CIBAR2: variants seen among roughly 807,000 people sequenced by gnomAD.
CIBAR2 encodes the protein CBY1-interacting BAR domain-containing protein 2.
Under a neutral mutation model 36.2 loss-of-function variants are expected in CIBAR2, and 38 were observed. That is an observed-to-expected ratio of 1.05 (90% confidence interval 0.81 to 1.38). The LOEUF is 1.38. Ranked by LOEUF, CIBAR2 falls within the 40% of genes most tolerant of loss-of-function variation. The pLI, the probability that CIBAR2 is intolerant of heterozygous loss-of-function variation, is 0.00. For missense variants in CIBAR2, 481 were observed against 383.4 expected (o/e 1.25, Z -2.13); for synonymous variants, 182 against 149.5 (o/e 1.22, Z -1.58).
At chr16:85,104,051 A>C (rs16975245) in intron 6 of CIBAR2, among the ~76,000 whole-genome samples, 4,402 of 152,364 alleles carry the variant, frequency 0.029, 221 homozygotes, top group African/African-American at 0.1. Flanking sequence ...TTGTTAAAGT[A>C]ACACGTGAAT....
At position 85,104,714 on chromosome 16, in the gene CIBAR2, T is replaced by TA. The variant is rs1355025744; in HGVS notation, c.537+612dup. On this transcript the variant is annotated intron_variant, in intron 6 of 8. Coordinates refer to ENST00000539556, the MANE Select transcript of CIBAR2 (RefSeq NM_198491.3). Reference sequence around the variant, plus strand: ...CTGGGCAACCAAGTGAGACTCCATCTAAAAAAAATAAAATAAAATAAAATC... The same window carrying TA: ...CTGGGCAACCAAGTGAGACTCCATCTAAAAAAAAATAAAATAAAATAAAATC... Among the ~76,000 whole-genome samples, 6 of 151,832 alleles carry TA rather than the reference T, an allele frequency of 4.0e-5. No individual in the cohort carries two copies. The South Asian group carries it at 1.2e-3, about 32-fold the overall frequency.
chr16:85,099,095 C>G lies in CIBAR2; in HGVS notation c.*90G>C. ...TTGAATTAACACAATCCAACAAAGA[C>G]AAAGAAAAAAGAATCAGAAAATAAG... On this transcript the variant is annotated 3_prime_UTR_variant, in exon 9 of 9. Transcript: ENST00000539556. The G allele has an allele frequency of 7.1e-7, 1 of 1,407,316 alleles. No homozygotes were observed. The highest frequency in any genetic ancestry group is 9.3e-7 in the Non-Finnish European group (1 of 1,070,008). The allele number at this position is 1,407,316 out of a possible 1,614,324, so 87.2% of individuals were successfully genotyped here.
Position 85,110,241 on chromosome 16 carries a change from A to T in CIBAR2, c.240T>A (p.Asp80Glu). Residue 80 changes from aspartate to glutamate, a missense_variant, in exon 2 of 9, where the codon GAT (aspartate) becomes GAA (glutamate). By Grantham distance (45) the Asp-to-Glu change is conservative. Transcript: ENST00000539556. ...CAGCACTCACCTGGGCCTGCCGGTA[A>T]TCCTGCACTTTGGCCAGGTCCTCAG... ...GFAEDLAKVQ[D>E]YRQAQVERLE... 6.4e-7 allele frequency: 1 copy of T among 1,574,518 alleles called. No homozygotes were observed. Among genetic ancestry groups the T allele is most frequent in the East Asian group, 2.3e-5 (1 of 44,216 alleles).
intron 6 of CIBAR2, among the ~76,000 whole-genome samples, chr16:85,103,932 T>C (rs1300569892): frequency 6.6e-6 from 1 of 152,158 alleles, no homozygotes; most frequent in Admixed American, 6.5e-5. Context: ...GTCCATCTCC[T>C]CCCGCCCCAA....
chr16:85,104,240 C>A (rs575363420), intron 6 of CIBAR2, among the ~76,000 whole-genome samples: 2 of 152,302 alleles, frequency 1.3e-5, no homozygotes, highest in East Asian at 3.9e-4. Flanking sequence ...CTGCAAAGGC[C>A]TCGGGTAGGA....
intron 2 of CIBAR2, 96 bp downstream of exon 2, chr16:85,110,130 G>A: frequency 1.1e-6 from 1 of 899,008 alleles, no homozygotes; most frequent in Non-Finnish European, 1.7e-6. Flanking sequence ...CCCATTGGCT[G>A]TGGCCACAGC....
At chr16:85,105,572 A>T in intron 5 of CIBAR2, 141 bp from the exon 6 acceptor site, 1 of 621,726 alleles carries the variant, frequency 1.6e-6, no homozygotes, top group South Asian at 1.9e-5. Context: ...TAATTGGGTC[A>T]TCAAAGGAAT....
chr16:85,109,240 A>G (rs13335000), intron 2 of CIBAR2, among the ~76,000 whole-genome samples: 22,677 of 151,860 alleles, frequency 0.15, 1,729 homozygotes, highest in Middle Eastern at 0.18. Flanking sequence ...GCGAAACCCC[A>G]TCTCTTAAAA....
At position 85,098,592 on chromosome 16, in the gene CIBAR2, C is replaced by T; in HGVS notation, c.*593G>A. On this transcript the variant is annotated 3_prime_UTR_variant, in exon 9 of 9. Coordinates refer to ENST00000539556, the MANE Select transcript of CIBAR2 (RefSeq NM_198491.3). ...TCTTATGGGGTCCCTGCCCCAGTGC[C>T]CTGAGGTCCTCCACGGGGGCCTCCT... The T allele has an allele frequency of 1.0e-6, 1 of 986,060 alleles. No homozygotes were observed. Among genetic ancestry groups the T allele is most frequent in the Non-Finnish European group, 1.2e-6 (1 of 830,074 alleles). 61.1% of individuals were successfully genotyped at this position (986,060 alleles called of 1,614,324 possible). A position where few individuals can be genotyped will look rare whatever the true frequency, so the allele number is the denominator to read the frequency against.
At chr16:85,108,676 C>T (rs2144173911) in intron 2 of CIBAR2, among the ~76,000 whole-genome samples, 1 of 152,236 alleles carries the variant, frequency 6.6e-6, no homozygotes, top group Non-Finnish European at 1.5e-5. Flanking sequence ...AGTTCAAGAC[C>T]AGCCTGGCCA....
chr16:85,102,622 G>C (rs1043573067), intron 6 of CIBAR2, among the ~76,000 whole-genome samples: 1 of 151,978 alleles, frequency 6.6e-6, no homozygotes, highest in Non-Finnish European at 1.5e-5. Context: ...GACCAGCCTG[G>C]GCAACATGGT....
In CIBAR2 at chr16:85,112,437, G is replaced by T; in HGVS notation, c.-85C>A. On this transcript the variant is annotated 5_prime_UTR_variant, in exon 1 of 9. Transcript: ENST00000539556. ...TGCAGGCCTGGGAGGAGCCGGGCAG[G>T]GCTGGGTGCAGCTGTGTGGCCTGGG... 2 of 1,387,888 alleles carry T rather than the reference G, an allele frequency of 1.4e-6. No homozygotes were observed. The highest frequency in any genetic ancestry group is 1.2e-5 in the South Asian group (1 of 86,088). 86.0% of individuals were successfully genotyped at this position (1,387,888 alleles called of 1,614,324 possible).
intron 6 of CIBAR2, among the ~76,000 whole-genome samples, chr16:85,104,209 G>C (rs2073977369): frequency 6.6e-6 from 1 of 152,240 alleles, no homozygotes; most frequent in African/African-American, 2.4e-5. Flanking sequence ...GCACCGACTG[G>C]ACGCAGATCA....
intron 1 of CIBAR2, 147 bp downstream of exon 1, chr16:85,112,186 T>G: frequency 1.4e-6 from 1 of 704,558 alleles, no homozygotes; most frequent in Non-Finnish European, 2.5e-6. Flanking sequence ...TGGATGGAGG[T>G]GGAGGCACCG....
Position 85,099,078 on chromosome 16 carries a change from A to C in CIBAR2, c.*107T>G. Reference sequence around the variant, plus strand: ...GCTTGAAGACAAGGTCTTTGAATTAACACAATCCAACAAAGACAAAGAAAA... The same window carrying C: ...GCTTGAAGACAAGGTCTTTGAATTACCACAATCCAACAAAGACAAAGAAAA... On this transcript the variant is annotated 3_prime_UTR_variant, in exon 9 of 9. Coordinates refer to ENST00000539556, the MANE Select transcript of CIBAR2 (RefSeq NM_198491.3). 7.6e-7 allele frequency: 1 copy of C among 1,320,908 alleles called. No individual in the cohort carries two copies. Among genetic ancestry groups the C allele is most frequent in the Non-Finnish European group, 1.0e-6 (1 of 1,001,826 alleles). 81.8% of individuals were successfully genotyped at this position (1,320,908 alleles called of 1,614,324 possible).
At chr16:85,100,100 A>G in intron 8 of CIBAR2, 39 bp downstream of exon 8, 1 of 1,529,298 alleles carries the variant, frequency 6.5e-7, no homozygotes, top group Non-Finnish European at 9.0e-7. Context: ...GCCGTGCACG[A>G]CATTTTAGGT....
chr16:85,104,174 G>T (rs1457617065), intron 6 of CIBAR2, among the ~76,000 whole-genome samples: 1 of 152,250 alleles, frequency 6.6e-6, no homozygotes. Context: ...CCCAAAGAAT[G>T]AGGTTGAAGC....
intron 8 of CIBAR2, among the ~76,000 whole-genome samples, 164 bp downstream of exon 8, chr16:85,099,975 C>G (rs1259844764): frequency 6.6e-6 from 1 of 151,852 alleles, no homozygotes; most frequent in African/African-American, 2.4e-5. Flanking sequence ...TCTGGTCAGA[C>G]CCCCGGGCAG....
At chr16:85,102,013 T>A (rs1398057583) in intron 7 of CIBAR2, among the ~76,000 whole-genome samples, 1 of 152,234 alleles carries the variant, frequency 6.6e-6, no homozygotes, top group Non-Finnish European at 1.5e-5. Context: ...AATATGTTGA[T>A]GTTCCAAATA....
Sources: gnomAD v4.1 joint callset for allele counts (sites outside exome capture counted in the v4.1 genomes callset) on GRCh38, gnomAD v4.1.1 for gene constraint, MANE v1.5 for transcripts, NCBI Gene and HGNC (gene_info 2026-07-23, HGNC 2026-07-21) for gene names.